The following WDR33 variants were observed in gnomAD, a reference collection of about 807,000 sequenced individuals.
WDR33 encodes WD repeat domain 33.
In WDR33, 47 loss-of-function variants were observed where a neutral mutation model predicts 164.9. The ratio of observed to expected loss-of-function variants is 0.29; its 90% CI spans 0.23 to 0.36. WDR33 has a LOEUF of 0.36. Ranked by LOEUF, WDR33 falls within the 10% of genes least tolerant of loss-of-function variation. The pLI is 1.00. For synonymous variants in WDR33, 505 were observed against 589.0 expected (o/e 0.86, Z 2.06); for missense variants, 1,137 against 1,754.1 (o/e 0.65, Z 6.28).
chr2:127,742,357 T>TAAATAA (rs1042881214), intron 7 of WDR33, among the ~76,000 whole-genome samples: 18 of 151,192 alleles, frequency 1.2e-4, no homozygotes, highest in African/African-American at 3.9e-4. Context: ...AAATTAAAAC[T>TAAATAA]AAATAAAAAT....
At chr2:127,750,598 G>A (rs113627847) in intron 7 of WDR33, among the ~76,000 whole-genome samples, 4,882 of 132,164 alleles carry the variant, frequency 0.037, 278 homozygotes, top group African/African-American at 0.12. Context: ...GCAGTGAGTC[G>A]AGATTGTAAT....
In WDR33 at chr2:127,713,373, A is replaced by G. The variant is rs75507353; in HGVS notation, c.3308+210T>C. On this transcript the variant is annotated intron_variant, in intron 18 of 21. Transcript: ENST00000322313. The surrounding 1 kb of genome is among the most constrained non-coding windows in gnomAD (Gnocchi z 6.2). ...AAAATATAAAAAAATAAACAAAACG[A>G]AAAAGATTTCTAGACAGCAAAGATT... Among the ~76,000 whole-genome samples, 11,544 of 152,306 alleles carry G rather than the reference A, an allele frequency of 0.076. 454 individuals are homozygous for G. Among genetic ancestry groups the G allele is most frequent in the Non-Finnish European group, 0.091 (6,218 of 68,020 alleles).
Position 127,717,352 on chromosome 2 carries a change from T to C in WDR33, c.2761-89A>G. The stretch of plus-strand genomic sequence containing the variant: ...GCATTATAACATGACAAGATAAAAA[T>C]ACCCAGTAAATATTTACCTAGTAAG... On this transcript the variant is annotated intron_variant, in intron 16 of 21. Coordinates refer to ENST00000322313, the MANE Select transcript of WDR33 (RefSeq NM_018383.5). The surrounding 1 kb of genome is among the most constrained non-coding windows in gnomAD (Gnocchi z 5.6). The C allele has an allele frequency of 4.6e-6, 5 of 1,091,540 alleles. No homozygotes were observed. The highest frequency in any genetic ancestry group is 1.7e-5 in the South Asian group (1 of 58,836). The allele number at this position is 1,091,540 out of a possible 1,614,324, so 67.6% of individuals were successfully genotyped here. A position where few individuals can be genotyped will look rare whatever the true frequency, so the allele number is the denominator to read the frequency against.
At chr2:127,755,763 T>C (rs1038147005) in intron 7 of WDR33, among the ~76,000 whole-genome samples, 5 of 152,186 alleles carry the variant, frequency 3.3e-5, no homozygotes. Flanking sequence ...TGATGACTCA[T>C]GGCATCACAA....
chr2:127,798,881 C>T (rs989514944), intron 1 of WDR33: 3 of 151,464 alleles, frequency 2.0e-5, no homozygotes, highest in Admixed American at 1.3e-4. Context: ...AAAACTAAAG[C>T]TTATAGCTTT....
chr2:127,773,493 G>A (rs1168143119), intron 1 of WDR33, among the ~76,000 whole-genome samples: 16 of 152,144 alleles, frequency 1.1e-4, no homozygotes. Context: ...AATAAAATAT[G>A]CATTTAACCT....
chr2:127,753,028 G>T (rs1687417809), intron 7 of WDR33, among the ~76,000 whole-genome samples: 1 of 152,216 alleles, frequency 6.6e-6, no homozygotes, highest in African/African-American at 2.4e-5. Flanking sequence ...CTGGGTTCAA[G>T]CAATTCTCTT....
At chr2:127,752,596 C>CAAAAAAAAAAAAAAAAAAA in intron 7 of WDR33, among the ~76,000 whole-genome samples, 1 of 76,596 alleles carries the variant, frequency 1.3e-5, no homozygotes. Flanking sequence ...GACTCCGTCT[C>CAAAAAAAAAAAAAAAAAAA]AAAAAAAAAA....
At chr2:127,745,755 C>T (rs1027057146) in intron 7 of WDR33, among the ~76,000 whole-genome samples, 10 of 152,106 alleles carry the variant, frequency 6.6e-5, no homozygotes, top group African/African-American at 2.4e-4. Context: ...TGCTCCAAGT[C>T]TGTAGAGTAA....
At position 127,721,799 on chromosome 2, in the gene WDR33, G is replaced by A. The variant is rs774360294; in HGVS notation, c.1671+37C>T. On this transcript the variant is annotated intron_variant, in intron 15 of 21. Coordinates refer to ENST00000322313, the MANE Select transcript of WDR33 (RefSeq NM_018383.5). The surrounding 1 kb of genome is among the most constrained non-coding windows in gnomAD (Gnocchi z 4.9). ...TAAAAATGTCACCACTACCCTCTTA[G>A]ATCATCTTGAATTCCCCCCTACAGA... The A allele has an allele frequency of 5.1e-6, 8 of 1,578,604 alleles. No individual in the cohort carries two copies. In the South Asian group the frequency reaches 8.2e-5, roughly 16 times the overall value.
intron 7 of WDR33, chr2:127,736,035 C>CGGCA: frequency 1.0e-6 from 1 of 985,362 alleles, no homozygotes; most frequent in Non-Finnish European, 1.2e-6. Context: ...TGAAGGGGTC[C>CGGCA]GGCAGTCAGG....
rs1296060603 is a variant in WDR33 at position 127,741,030 on chromosome 2, G to A, written c.725-14253C>T. Among the ~76,000 whole-genome samples, 1 of 152,218 alleles carries A rather than the reference G, an allele frequency of 6.6e-6. No individual in the cohort carries two copies. Among genetic ancestry groups the A allele is most frequent in the Admixed American group, 6.5e-5 (1 of 15,288 alleles). On this transcript the variant is annotated intron_variant, in intron 7 of 21. Coordinates refer to ENST00000322313, the MANE Select transcript of WDR33 (RefSeq NM_018383.5). The surrounding 1 kb of genome is among the most constrained non-coding windows in gnomAD (Gnocchi z 4.1). ...ACTGTAGTTGTCAGTGACAAAGGTT[G>A]TGGCAAAGGCTCAGTGACAAAGGCT...
At chr2:127,757,066 G>A (rs1018478911) in intron 7 of WDR33, among the ~76,000 whole-genome samples, 1 of 137,066 alleles carries the variant, frequency 7.3e-6, no homozygotes, top group African/African-American at 2.8e-5. Flanking sequence ...GACAGACCAA[G>A]AACCTGTCTC....
At chr2:127,780,138 T>C (rs145316957) in intron 1 of WDR33, among the ~76,000 whole-genome samples, 9,933 of 152,154 alleles carry the variant, frequency 0.065, 434 homozygotes, top group Middle Eastern at 0.16. Context: ...CACGCCCAGC[T>C]AATTTTTTGT....
Position 127,713,453 on chromosome 2 carries a change from C to CTG in WDR33, c.3308+129_3308+130insCA, listed in dbSNP as rs1376644655. 5 of 1,078,726 alleles carry CTG rather than the reference C, an allele frequency of 4.6e-6. No homozygotes were observed. In the East Asian group the frequency reaches 7.2e-5, roughly 16 times the overall value. 66.8% of individuals were successfully genotyped at this position (1,078,726 alleles called of 1,614,324 possible). ...TTTTTTAAACGTCCAAATGCAAACT[C>CTG]TACAGAGTGCAGGGCTGGTAATTGA... On this transcript the variant is annotated intron_variant, in intron 18 of 21. Coordinates refer to ENST00000322313, the MANE Select transcript of WDR33 (RefSeq NM_018383.5). The surrounding 1 kb of genome is among the most constrained non-coding windows in gnomAD (Gnocchi z 6.2).
Position 127,720,189 on chromosome 2 carries a change from C to CATTA in WDR33, c.1835_1836insTAAT (p.Met612IlefsTer17). 1 of 1,612,636 alleles carries CATTA rather than the reference C, an allele frequency of 6.2e-7. No individual in the cohort carries two copies. The highest frequency in any genetic ancestry group is 8.5e-7 in the Non-Finnish European group (1 of 1,179,470). Reference sequence around the variant, plus strand: ...CTGGAGGCCCCATTTGAGCCATGTTCATTGGCATCTGCTGAGATGGATGGG... The same window carrying CATTA: ...CTGGAGGCCCCATTTGAGCCATGTTCATTAATTGGCATCTGCTGAGATGGATGGG... On this transcript the variant is annotated frameshift_variant, in exon 16 of 22. Transcript: ENST00000322313. LOFTEE classifies it high-confidence loss of function. This position sits in a 1 kb window ranked among gnomAD's most constrained non-coding sequence, Gnocchi z 5.9.
chr2:127,757,218 A>C (rs1273176152), intron 7 of WDR33, among the ~76,000 whole-genome samples: 3 of 152,178 alleles, frequency 2.0e-5, no homozygotes, highest in Non-Finnish European at 2.9e-5. Context: ...ATATTCAATA[A>C]GTTTTGGTCA....
At position 127,764,527 on chromosome 2, in the gene WDR33, A is replaced by G; in HGVS notation, c.626+301T>C. 6.6e-7 allele frequency: 1 copy of G among 1,524,354 alleles called. No individual in the cohort carries two copies. The highest frequency in any genetic ancestry group is 8.8e-7 in the Non-Finnish European group (1 of 1,139,718). 94.4% of individuals were successfully genotyped at this position (1,524,354 alleles called of 1,614,324 possible). ...AATATTCTTGTCTTACACAGTAGATAATAAAAAGGAATAACGTATACACAT... is the reference window on the plus strand; with the variant it reads ...AATATTCTTGTCTTACACAGTAGATGATAAAAAGGAATAACGTATACACAT... On this transcript the variant is annotated intron_variant, in intron 6 of 21. Transcript: ENST00000322313. The surrounding 1 kb of genome is among the most constrained non-coding windows in gnomAD (Gnocchi z 6.2).
At chr2:127,732,352 G>A (rs1686733437) in intron 7 of WDR33, among the ~76,000 whole-genome samples, 1 of 151,654 alleles carries the variant, frequency 6.6e-6, no homozygotes, top group Non-Finnish European at 1.5e-5. Context: ...AGGCTAGAGT[G>A]GAGTGGGAAG....
Sources: gnomAD v4.1 joint callset for allele counts (sites outside exome capture counted in the v4.1 genomes callset) on GRCh38, gnomAD v4.1.1 for gene constraint, Gnocchi (gnomAD v3.1) non-coding constraint, MANE v1.5 for transcripts, NCBI Gene and HGNC (gene_info 2026-07-23, HGNC 2026-07-21) for gene names.